RBFOX1: variants seen among roughly 807,000 people sequenced by gnomAD.
The protein encoded by RBFOX1 is RNA binding protein fox-1 homolog 1.
Under a neutral mutation model 57.7 loss-of-function variants are expected in RBFOX1, and 8 were observed. That is an observed-to-expected ratio of 0.14 (90% confidence interval 0.08 to 0.25). RBFOX1 has a LOEUF of 0.25. Ranked by LOEUF, RBFOX1 falls within the 10% of genes least tolerant of loss-of-function variation. RBFOX1 has a pLI of 1.00. For synonymous variants in RBFOX1, 326 were observed against 222.4 expected (o/e 1.47, Z -4.15); for missense variants, 611 against 548.5 (o/e 1.11, Z -1.14).
intron 4 of RBFOX1, among the ~76,000 whole-genome samples, chr16:7,385,330 T>G (rs2097857469): frequency 6.6e-6 from 1 of 152,114 alleles, no homozygotes; most frequent in Non-Finnish European, 1.5e-5. Flanking sequence ...TGGTTTGAAC[T>G]GGAAGGTGGT....
intron 3 of RBFOX1, among the ~76,000 whole-genome samples, chr16:7,014,160 G>T (rs926238970): frequency 4.6e-5 from 7 of 152,084 alleles, no homozygotes; most frequent in Non-Finnish European, 1.0e-4. Flanking sequence ...TGTCCAAGGT[G>T]CTGAAACTTT....
At chr16:5,344,152 T>A (rs535413354) in intron 1 of RBFOX1, among the ~76,000 whole-genome samples, 1 of 152,354 alleles carries the variant, frequency 6.6e-6, no homozygotes, top group African/African-American at 2.4e-5. Context: ...TCTTTACCTT[T>A]GGTATTTCTG....
chr16:5,694,724 C>G (rs1330094645), intron 3 of RBFOX1, among the ~76,000 whole-genome samples: 6 of 151,756 alleles, frequency 4.0e-5, no homozygotes, highest in African/African-American at 1.5e-4. Context: ...AGACCACTCA[C>G]AGCCCCCAAC....
intron 2 of RBFOX1, among the ~76,000 whole-genome samples, chr16:6,408,140 C>G (rs1308731609): frequency 6.6e-6 from 1 of 152,130 alleles, no homozygotes; most frequent in Non-Finnish European, 1.5e-5. Context: ...ACTTCCCTGC[C>G]TCCAGAACTG....
intron 1 of RBFOX1, among the ~76,000 whole-genome samples, chr16:6,089,439 A>C (rs2096138534): frequency 6.6e-6 from 1 of 152,216 alleles, no homozygotes; most frequent in Admixed American, 6.5e-5. Context: ...GCATATACAC[A>C]GAGGGCCTAT....
chr16:7,039,204 C>T (rs1028835496), intron 3 of RBFOX1, among the ~76,000 whole-genome samples: 1 of 152,160 alleles, frequency 6.6e-6, no homozygotes, highest in African/African-American at 2.4e-5. Flanking sequence ...TTAGAGCTTT[C>T]AGCATTTGGG....
At chr16:5,779,190 C>A (rs4597332) in intron 3 of RBFOX1, among the ~76,000 whole-genome samples, 1 of 151,668 alleles carries the variant, frequency 6.6e-6, no homozygotes, top group Non-Finnish European at 1.5e-5. Flanking sequence ...GTCAGCTTTC[C>A]TTCCCCCCTC....
At chr16:5,703,398 G>T (rs1161734078) in intron 3 of RBFOX1, among the ~76,000 whole-genome samples, 1 of 152,204 alleles carries the variant, frequency 6.6e-6, no homozygotes, top group South Asian at 2.1e-4. Flanking sequence ...GATGGAGTTT[G>T]GTTCACTGGA....
chr16:6,371,250 C>T (rs1163858433), intron 2 of RBFOX1, among the ~76,000 whole-genome samples: 1 of 152,128 alleles, frequency 6.6e-6, no homozygotes, highest in Non-Finnish European at 1.5e-5. Context: ...ACTAGTTTTA[C>T]CATTCATTGA....
At chr16:5,390,153 A>C (rs1037468464) in intron 1 of RBFOX1, among the ~76,000 whole-genome samples, 1 of 152,194 alleles carries the variant, frequency 6.6e-6, no homozygotes, top group African/African-American at 2.4e-5. Context: ...CCAGGTTAGG[A>C]AAATTTGCTC....
intron 2 of RBFOX1, among the ~76,000 whole-genome samples, chr16:6,499,916 C>A (rs2095866684): frequency 6.6e-6 from 1 of 152,144 alleles, no homozygotes; most frequent in Non-Finnish European, 1.5e-5. Flanking sequence ...AGGGTGAGTA[C>A]ATTGAACAAG....
chr16:6,868,771 A>G lies in RBFOX1; in HGVS notation c.-15-183286A>G, dbSNP rs78302694. 6.6e-3 allele frequency among the ~76,000 whole-genome samples: 1,003 copies of G among 152,288 alleles called. 16 individuals are homozygous for G. Among genetic ancestry groups the G allele is most frequent in the African/African-American group, 0.023 (950 of 41,568 alleles). ...TAGGCATGAGCCATTGCACCCGGCC[A>G]GTATTTCTTAAAGATAGGTAATAAG... On this transcript the variant is annotated intron_variant, in intron 3 of 15. Transcript: ENST00000550418.
chr16:5,372,626 C>G (rs1486937344), intron 1 of RBFOX1, among the ~76,000 whole-genome samples: 5 of 152,140 alleles, frequency 3.3e-5, no homozygotes, highest in Non-Finnish European at 7.3e-5. Context: ...GGTCTCTCTA[C>G]TATCGTGGCA....
Position 7,382,068 on chromosome 16 carries a change from G to C in RBFOX1, c.28-136079G>C, listed in dbSNP as rs1025476789. ...AGCATTTATAAATCAGTTGGAAGTTGGTTCTGGATTACTGCCTAAAATAAA... is the reference window on the plus strand; with the variant it reads ...AGCATTTATAAATCAGTTGGAAGTTCGTTCTGGATTACTGCCTAAAATAAA... On this transcript the variant is annotated intron_variant, in intron 4 of 15. Coordinates refer to ENST00000550418, the MANE Select transcript of RBFOX1 (RefSeq NM_018723.4). Among the ~76,000 whole-genome samples the C allele has an allele frequency of 3.3e-5, 5 of 152,186 alleles. No individual in the cohort carries two copies. The East Asian group carries it at 9.6e-4, about 29-fold the overall frequency.
chr16:5,764,705 T>G (rs534989800), intron 3 of RBFOX1, among the ~76,000 whole-genome samples: 1 of 152,316 alleles, frequency 6.6e-6, no homozygotes, highest in Non-Finnish European at 1.5e-5. Flanking sequence ...CACTTGGATT[T>G]TGGTCAAAAC....
intron 3 of RBFOX1, among the ~76,000 whole-genome samples, chr16:6,736,853 G>C (rs777760747): frequency 6.6e-6 from 1 of 152,164 alleles, no homozygotes; most frequent in Non-Finnish European, 1.5e-5. Context: ...TGGAAAGTGG[G>C]ATACCTAGAG....
intron 3 of RBFOX1, among the ~76,000 whole-genome samples, chr16:6,983,086 C>CA (rs907102712): frequency 2.0e-5 from 3 of 149,482 alleles, no homozygotes; most frequent in Admixed American, 2.0e-4. Flanking sequence ...GGGGAGTGGC[C>CA]ATGCTGAGAC....
intron 1 of RBFOX1, among the ~76,000 whole-genome samples, chr16:5,240,786 G>T (rs2062146443): frequency 6.6e-6 from 1 of 152,186 alleles, no homozygotes. Flanking sequence ...GACCGGGCCC[G>T]TGTGCGTGGG....
intron 2 of RBFOX1, among the ~76,000 whole-genome samples, chr16:6,459,278 G>C (rs1020901895): frequency 1.3e-5 from 2 of 152,180 alleles, no homozygotes; most frequent in African/African-American, 4.8e-5. Context: ...AGAGGTTGCA[G>C]TGAGCCGAGA....
Sources: allele counts gnomAD v4.1 joint callset (sites outside exome capture counted in the v4.1 genomes callset), GRCh38; gene constraint gnomAD v4.1.1; transcripts MANE v1.5; gene names NCBI Gene and HGNC (gene_info 2026-07-23, HGNC 2026-07-21).